ECHDC2: variants seen among roughly 807,000 people sequenced by gnomAD.
ECHDC2 encodes the protein enoyl-CoA hydratase domain containing 2.
A neutral mutation model predicts 40.6 loss-of-function variants in ECHDC2; 34 were observed. The ratio of observed to expected loss-of-function variants is 0.84; its 90% CI spans 0.64 to 1.11. The LOEUF (loss-of-function observed/expected upper bound fraction) is 1.11. Ranked by LOEUF, ECHDC2 falls within the 50% of genes most tolerant of loss-of-function variation. The pLI, the probability that ECHDC2 is intolerant of heterozygous loss-of-function variation, is 0.00. For missense variants in ECHDC2, 392 were observed against 400.7 expected (o/e 0.98, Z 0.19); for synonymous variants, 162 against 166.6 (o/e 0.97, Z 0.21).
At position 52,914,008 on chromosome 1, in the gene ECHDC2, A is replaced by G; in HGVS notation, c.122-2218T>C. 6 of 1,227,448 alleles carry G rather than the reference A, an allele frequency of 4.9e-6. No individual in the cohort carries two copies. The highest frequency in any genetic ancestry group is 6.3e-6 in the Non-Finnish European group (6 of 957,840). The allele number at this position is 1,227,448 out of a possible 1,614,324, so 76.0% of individuals were successfully genotyped here. A position where few individuals can be genotyped will look rare whatever the true frequency, so the allele number is the denominator to read the frequency against. ...TCTTCATTCACTCATTTGTACATTT[A>G]TATATTTGCTGTGTGCTGGCCTCTA... is the stretch of plus-strand genomic sequence containing the variant. On this transcript the variant is annotated intron_variant, in intron 1 of 9. Coordinates refer to ENST00000371522, the MANE Select transcript of ECHDC2 (RefSeq NM_001198961.2). This position sits in a 1 kb window ranked among gnomAD's most constrained non-coding sequence, Gnocchi z 4.0.
chr1:52,921,679 C>A lies in ECHDC2; in HGVS notation c.-6G>T. The A allele has an allele frequency of 2.6e-6, 4 of 1,555,098 alleles. No individual in the cohort carries two copies. The highest frequency in any genetic ancestry group is 3.5e-6 in the Non-Finnish European group (4 of 1,153,140). ...AGGCACAGAACGCGCAGCATCGGGG[C>A]GCAGGCTGGGAGTGAAGGTGCTTCT... On this transcript the variant is annotated 5_prime_UTR_variant, in exon 1 of 10. Coordinates refer to ENST00000371522, the MANE Select transcript of ECHDC2 (RefSeq NM_001198961.2).
At chr1:52,901,391 C>G (rs887208146) in intron 7 of ECHDC2, 2 of 152,316 alleles carry the variant, frequency 1.3e-5, no homozygotes, top group Non-Finnish European at 2.9e-5. Context: ...GGCAACAGAG[C>G]AAGATCCTGT....
intron 7 of ECHDC2, among the ~76,000 whole-genome samples, chr1:52,902,447 G>C (rs570455875): frequency 3.9e-5 from 6 of 152,070 alleles, no homozygotes; most frequent in African/African-American, 1.4e-4. Context: ...ATGAGCCACT[G>C]CACCCGGCTT....
intron 3 of ECHDC2, among the ~76,000 whole-genome samples, chr1:52,910,393 G>A (rs767404117): frequency 2.1e-3 from 162 of 78,906 alleles, no homozygotes; most frequent in Non-Finnish European, 2.8e-3. Context: ...TTTTGAGATG[G>A]AGTTGTGCTC....
At chr1:52,905,211 C>A in intron 5 of ECHDC2, 121 bp from the exon 6 acceptor site, 1 of 1,098,210 alleles carries the variant, frequency 9.1e-7, no homozygotes, top group Admixed American at 2.0e-5. Context: ...CATGGTCTGG[C>A]CACAGCCAGG....
At chr1:52,899,487 T>G (rs1646853445) in intron 7 of ECHDC2, 1 of 513,298 alleles carries the variant, frequency 1.9e-6, no homozygotes, top group South Asian at 2.2e-5. Context: ...ACATAACTAG[T>G]TTACAAAGTG....
At chr1:52,917,686 A>G in intron 1 of ECHDC2, 1 of 456,030 alleles carries the variant, frequency 2.2e-6, no homozygotes, top group South Asian at 1.5e-5. Flanking sequence ...GGTCAGCTAC[A>G]GACCACATAT....
At chr1:52,918,957 C>G (rs1295285262) in intron 1 of ECHDC2, among the ~76,000 whole-genome samples, 2 of 152,166 alleles carry the variant, frequency 1.3e-5, no homozygotes, top group African/African-American at 2.4e-5. Flanking sequence ...CTCCCCATGG[C>G]TTGAATTACC....
In ECHDC2 at chr1:52,907,920, TTCAC is replaced by T; in HGVS notation, c.308_311del (p.Ser103LysfsTer14). On this transcript the variant is annotated frameshift_variant, in exon 4 of 10. Transcript: ENST00000371522. LOFTEE classifies it high-confidence loss of function. ...GCTGGACAAACACCCCCACCTCTGC[TTCAC>T]TCATCTGTTCCCGCTCCTTCAGGTC... is the stretch of plus-strand genomic sequence containing the variant. The T allele has an allele frequency of 6.2e-7, 1 of 1,613,366 alleles. No homozygotes were observed. The highest frequency in any genetic ancestry group is 1.1e-5 in the South Asian group (1 of 91,038).
chr1:52,907,862 C>G lies in ECHDC2; in HGVS notation c.364+6G>C, dbSNP rs780903338. On this transcript the variant is annotated splice_donor_region_variant and intron_variant, in intron 4 of 9. Transcript: ENST00000371522. ...CCCCTCCTCCACCCCACACCCAGATCCTCACCGATGTCATTCATCAGGCCC... is the reference window on the plus strand; with the variant it reads ...CCCCTCCTCCACCCCACACCCAGATGCTCACCGATGTCATTCATCAGGCCC... 1 of 1,576,522 alleles carries G rather than the reference C, an allele frequency of 6.3e-7. No homozygotes were observed. Among genetic ancestry groups the G allele is most frequent in the South Asian group, 1.1e-5 (1 of 90,348 alleles).
rs1461562956 is a variant in ECHDC2, at chr1:52,896,385, T to A, written c.*135A>T. 2 of 770,786 alleles carry A rather than the reference T, an allele frequency of 2.6e-6. No individual in the cohort carries two copies. The highest frequency in any genetic ancestry group is 3.4e-5 in the African/African-American group (2 of 58,558). 47.7% of individuals were successfully genotyped at this position (770,786 alleles called of 1,614,324 possible). A position where few individuals can be genotyped will look rare whatever the true frequency, so the allele number is the denominator to read the frequency against. ...GTTCCAGGCATCACGCCAGTCATTT[T>A]ATTTCCATCATCATCCTTGTGAAGA... On this transcript the variant is annotated 3_prime_UTR_variant, in exon 10 of 10. Transcript: ENST00000371522.
intron 8 of ECHDC2, 38 bp downstream of exon 8, chr1:52,899,136 C>G: frequency 6.2e-7 from 1 of 1,612,872 alleles, no homozygotes; most frequent in Non-Finnish European, 8.5e-7. Context: ...CCGCGACCAA[C>G]TTTAGTGGAC....
At chr1:52,921,765 T>G, upstream of ECHDC2, 1 of 1,418,426 alleles carries the variant, frequency 7.1e-7, no homozygotes, top group Non-Finnish European at 9.2e-7. Context: ...GGGCGAAGCC[T>G]TCGCCAATTG....
At chr1:52,907,676 T>C in intron 4 of ECHDC2, 192 bp downstream of exon 4, 1 of 556,990 alleles carries the variant, frequency 1.8e-6, no homozygotes, top group South Asian at 2.5e-5. Flanking sequence ...ACACAAAAGC[T>C]GAAGAGCCAG....
At chr1:52,911,043 C>T (rs1056143060) in intron 3 of ECHDC2, among the ~76,000 whole-genome samples, 2 of 152,196 alleles carry the variant, frequency 1.3e-5, no homozygotes, top group African/African-American at 4.8e-5. Flanking sequence ...GAGCTGCAAT[C>T]TCAGCTCACT....
rs3835544 is a variant in ECHDC2, at chr1:52,896,860, TGCCGTCTGCAGTGG to T, written c.802-277_802-264del. The T allele has an allele frequency of 1.4e-3, 638 of 472,504 alleles. 7 individuals carry two copies. In the East Asian group the frequency reaches 0.02, roughly 15 times the overall value. 29.3% of individuals were successfully genotyped at this position (472,504 alleles called of 1,614,324 possible). ...CTTTCATGCCTCCTGAGAACTCAGC[TGCCGTCTGCAGTGG>T]TCTGACATGAGGCTGCTCAGTAGAG... On this transcript the variant is annotated intron_variant, in intron 9 of 9. Transcript: ENST00000371522.
At chr1:52,915,393 G>A in intron 1 of ECHDC2, 1 of 454,970 alleles carries the variant, frequency 2.2e-6, no homozygotes, top group East Asian at 7.0e-5. Flanking sequence ...GGGACAGGGT[G>A]TTCAGCCAGG....
Position 52,913,057 on chromosome 1 carries a change from T to C in ECHDC2, c.122-1267A>G, listed in dbSNP as rs1278716542. On this transcript the variant is annotated intron_variant, in intron 1 of 9. Coordinates refer to ENST00000371522, the MANE Select transcript of ECHDC2 (RefSeq NM_001198961.2). The stretch of plus-strand genomic sequence containing the variant: ...AGTTTAGACTTGCTAATTTCTAAAA[T>C]TGCCGTGTATCTTTTAAATCCTGGT... 2.0e-5 allele frequency: 3 copies of C among 152,316 alleles called. No individual in the cohort carries two copies. The East Asian group carries it at 5.8e-4, about 29-fold the overall frequency. 9.4% of individuals were successfully genotyped at this position (152,316 alleles called of 1,614,324 possible).
intron 1 of ECHDC2, chr1:52,913,970 G>A: frequency 8.4e-7 from 1 of 1,191,714 alleles, no homozygotes; most frequent in South Asian, 1.6e-5. Flanking sequence ...GTTCCTTAAG[G>A]CCAATCAGAT....
Sources: gnomAD v4.1 joint callset for allele counts (sites outside exome capture counted in the v4.1 genomes callset) on GRCh38, gnomAD v4.1.1 for gene constraint, Gnocchi (gnomAD v3.1) non-coding constraint, MANE v1.5 for transcripts, NCBI Gene and HGNC (gene_info 2026-07-23, HGNC 2026-07-21) for gene names.